The following ZNF385D variants were observed in gnomAD, a reference collection of about 807,000 sequenced individuals.
The protein encoded by ZNF385D is zinc finger protein 385D.
A neutral mutation model predicts 35.8 loss-of-function variants in ZNF385D; 15 were observed. That is an observed-to-expected ratio of 0.42 (90% CI 0.28 to 0.64). ZNF385D has a LOEUF of 0.64. Among genes scored for constraint, ZNF385D ranks in the 30% least tolerant of loss-of-function variants. ZNF385D has a pLI of 0.23. For missense variants in ZNF385D, 474 were observed against 494.6 expected (o/e 0.96, Z 0.39); for synonymous variants, 212 against 186.8 (o/e 1.13, Z -1.10).
At chr3:21,686,265 T>C (rs562562192) in intron 1 of ZNF385D, among the ~76,000 whole-genome samples, 1 of 152,212 alleles carries the variant, frequency 6.6e-6, no homozygotes, top group Admixed American at 6.5e-5. Context: ...CAAATTGTTA[T>C]TGTGTTTGGA....
chr3:22,273,020 C>T (rs939516869), intron 2 of ZNF385D, among the ~76,000 whole-genome samples: 2 of 151,334 alleles, frequency 1.3e-5, no homozygotes, highest in East Asian at 3.9e-4. Context: ...TATGCTATAA[C>T]TAGGATCATT....
intron 2 of ZNF385D, among the ~76,000 whole-genome samples, chr3:22,335,522 A>C (rs541081889): frequency 1.3e-5 from 2 of 152,122 alleles, no homozygotes; most frequent in Non-Finnish European, 2.9e-5. Flanking sequence ...CTTTTAACAA[A>C]AGCCTAAATC....
chr3:22,308,093 T>C (rs1210732547), intron 2 of ZNF385D, among the ~76,000 whole-genome samples: 1 of 152,068 alleles, frequency 6.6e-6, no homozygotes, highest in Non-Finnish European at 1.5e-5. Flanking sequence ...AGCACTGACA[T>C]AGTAATTAAA....
chr3:21,478,826 G>A (rs917869426), intron 4 of ZNF385D, among the ~76,000 whole-genome samples: 4 of 151,976 alleles, frequency 2.6e-5, no homozygotes, highest in African/African-American at 9.7e-5. Flanking sequence ...AGACTTAAAG[G>A]ACAGAAAGAA....
chr3:21,803,439 C>G (rs1021132635), intron 3 of ZNF385D, among the ~76,000 whole-genome samples: 1 of 152,050 alleles, frequency 6.6e-6, no homozygotes, highest in Non-Finnish European at 1.5e-5. Context: ...TATTTAAAAT[C>G]AAAGTTTTAA....
At chr3:22,073,615 A>G (rs1700328951) in intron 3 of ZNF385D, among the ~76,000 whole-genome samples, 1 of 151,920 alleles carries the variant, frequency 6.6e-6, no homozygotes, top group Admixed American at 6.6e-5. Context: ...TTATGCAAAT[A>G]ATTTAGGCTT....
intron 5 of ZNF385D, among the ~76,000 whole-genome samples, chr3:21,429,206 A>C (rs988901804): frequency 6.6e-6 from 1 of 152,112 alleles, no homozygotes; most frequent in East Asian, 1.9e-4. Context: ...ATTTAAAAAA[A>C]ATTTTAAGGA....
intron 3 of ZNF385D, among the ~76,000 whole-genome samples, chr3:21,527,549 C>T (rs1431800361): frequency 6.6e-6 from 1 of 152,018 alleles, no homozygotes; most frequent in African/African-American, 2.4e-5. Flanking sequence ...TAAAATAAAT[C>T]GTTAAAGACT....
At chr3:21,458,190 G>T (rs1372340219) in intron 4 of ZNF385D, among the ~76,000 whole-genome samples, 1 of 151,874 alleles carries the variant, frequency 6.6e-6, no homozygotes, top group East Asian at 1.9e-4. Context: ...AGATGAAGAG[G>T]GGCTGGGCTC....
chr3:21,550,063 A>C (rs1035191204), intron 3 of ZNF385D, among the ~76,000 whole-genome samples: 2 of 152,308 alleles, frequency 1.3e-5, no homozygotes, highest in East Asian at 3.9e-4. Context: ...CAAAATGTAT[A>C]ATTTGAGACA....
At chr3:21,983,671 T>G (rs1235476387) in intron 3 of ZNF385D, among the ~76,000 whole-genome samples, 1 of 72,072 alleles carries the variant, frequency 1.4e-5, no homozygotes, top group Non-Finnish European at 2.6e-5. Context: ...GTCATTTGGG[T>G]ATATACCCAG....
chr3:21,816,359 G>T (rs745981684), intron 3 of ZNF385D, among the ~76,000 whole-genome samples: 1 of 152,088 alleles, frequency 6.6e-6, no homozygotes. Flanking sequence ...AAAATAAAGG[G>T]TATTCAATTA....
chr3:22,065,708 G>C lies in ZNF385D; in HGVS notation c.325+103109C>G, dbSNP rs552780868. Among the ~76,000 whole-genome samples the C allele has an allele frequency of 7.9e-5, 12 of 152,148 alleles. No individual in the cohort carries two copies. In the South Asian group the frequency reaches 2.1e-3, roughly 26 times the overall value. ...TGTATGTGTGTGCTGTGGGGGAATG[G>C]TATTCTCAAAGAACATAACACACAC... is the stretch of plus-strand genomic sequence containing the variant. On this transcript the variant is annotated intron_variant, in intron 3 of 5. Coordinates refer to the ZNF385D transcript ENST00000494108.
At chr3:22,242,796 A>C (rs1699569750) in intron 2 of ZNF385D, among the ~76,000 whole-genome samples, 1 of 151,132 alleles carries the variant, frequency 6.6e-6, no homozygotes, top group Admixed American at 6.6e-5. Context: ...ATCTATCATA[A>C]TTATGTAAGA....
At chr3:22,149,511 G>A (rs1705087418) in intron 3 of ZNF385D, among the ~76,000 whole-genome samples, 1 of 152,140 alleles carries the variant, frequency 6.6e-6, no homozygotes, top group African/African-American at 2.4e-5. Context: ...TACTCCTAGA[G>A]TTTCTGATAC....
At position 21,510,031 on chromosome 3, in the gene ZNF385D, G is replaced by A. The variant is rs1484924129; in HGVS notation, c.439+830C>T. Among the ~76,000 whole-genome samples the A allele has an allele frequency of 5.3e-5, 8 of 152,260 alleles. 1 individual carries two copies. The highest frequency in any genetic ancestry group is 4.2e-4 in the South Asian group (2 of 4,816). On this transcript the variant is annotated intron_variant, in intron 4 of 7. Transcript: ENST00000281523. ...CACTATCATTGGTGATGATATGAACGTTTCCTTACCATTGCCATTCACATG... is the reference window on the plus strand; with the variant it reads ...CACTATCATTGGTGATGATATGAACATTTCCTTACCATTGCCATTCACATG...
chr3:22,175,073 T>C (rs943867745), intron 2 of ZNF385D, among the ~76,000 whole-genome samples: 5 of 97,114 alleles, frequency 5.1e-5, no homozygotes, highest in Non-Finnish European at 1.1e-4. Context: ...TGGGAAGATA[T>C]CAGTCTAGTC....
At position 21,413,845 on chromosome 3, in the gene ZNF385D, T is replaced by A. The variant is rs1019324618; in HGVS notation, c.*7369A>T. The A allele has an allele frequency of 1.3e-5, 2 of 152,126 alleles. No homozygotes were observed. Among genetic ancestry groups the A allele is most frequent in the African/African-American group, 4.8e-5 (2 of 41,440 alleles). 9.4% of individuals were successfully genotyped at this position (152,126 alleles called of 1,614,324 possible). On this transcript the variant is annotated 3_prime_UTR_variant, in exon 8 of 8. Coordinates refer to ENST00000281523, the MANE Select transcript of ZNF385D (RefSeq NM_024697.3). ...CACTAAATGCATGTGGATTAAAATA[T>A]TTTTAGATCTCAAAACTAAAGTTCA... is the stretch of plus-strand genomic sequence containing the variant.
intron 3 of ZNF385D, among the ~76,000 whole-genome samples, chr3:21,875,874 T>G (rs1232564393): frequency 6.6e-6 from 1 of 152,052 alleles, no homozygotes; most frequent in Non-Finnish European, 1.5e-5. Context: ...GCAAACAATT[T>G]CCTACATCCA....
Sources: allele counts gnomAD v4.1 joint callset (sites outside exome capture counted in the v4.1 genomes callset), GRCh38; gene constraint gnomAD v4.1.1; transcripts MANE v1.5; gene names NCBI Gene and HGNC (gene_info 2026-07-23, HGNC 2026-07-21).